Variants in ODAD4 observed in about 807,000 individuals in gnomAD.
ODAD4 encodes the protein outer dynein arm docking complex subunit 4.
In ODAD4, 49 loss-of-function variants were observed where a neutral mutation model predicts 51.8. That is an observed-to-expected ratio of 0.95 (90% CI 0.75 to 1.20). The LOEUF is 1.20. Ranked by LOEUF, ODAD4 falls within the 50% of genes most tolerant of loss-of-function variation. The probability of loss-of-function intolerance (pLI) is 0.00; values close to 1 mark genes in which losing one functional copy is unlikely to be tolerated. For synonymous variants in ODAD4, 235 were observed against 221.3 expected, an observed-to-expected ratio of 1.06 and a Z score of -0.55; for missense variants, 590 against 586.5, an observed-to-expected ratio of 1.01 and a Z score of -0.06.
chr17:41,938,479 G>A (rs532648859), intron 5 of ODAD4, 78 bp from the exon 6 acceptor site: 4 of 1,211,128 alleles, frequency 3.3e-6, no homozygotes, highest in African/African-American at 3.0e-5. Flanking sequence ...GCCCTGCAGC[G>A]GCCACCGGGA....
intron 9 of ODAD4, chr17:41,952,507 CT>C (rs1466588820): frequency 1.5e-5 from 4 of 274,828 alleles, no homozygotes; most frequent in African/African-American, 1.0e-4. Flanking sequence ...GCATTCCAGC[CT>C]GGGATACAGA....
intron 9 of ODAD4, among the ~76,000 whole-genome samples, chr17:41,953,956 G>T (rs539495772): frequency 6.8e-6 from 1 of 148,048 alleles, no homozygotes; most frequent in East Asian, 2.0e-4. Context: ...GTGAGCCACC[G>T]CACCTAGCCT....
chr17:41,962,957 T>C (rs1345740029), intron 11 of ODAD4, among the ~76,000 whole-genome samples: 3 of 152,206 alleles, frequency 2.0e-5, no homozygotes, highest in Admixed American at 1.3e-4. Flanking sequence ...ATCCAGCACC[T>C]GCTCTGTGGT....
chr17:41,954,051 T>C (rs1007958901), intron 9 of ODAD4, among the ~76,000 whole-genome samples: 1 of 151,836 alleles, frequency 6.6e-6, no homozygotes, highest in African/African-American at 2.4e-5. Flanking sequence ...AGTGGCGCGA[T>C]CTCGGCTCAC....
At position 41,930,670 on chromosome 17, in the gene ODAD4, T is replaced by G. The variant is rs2050312111; in HGVS notation, c.-54T>G. The G allele has an allele frequency of 8.5e-7, 1 of 1,176,850 alleles. No individual in the cohort carries two copies. The highest frequency in any genetic ancestry group is 2.5e-5 in the East Asian group (1 of 39,610). 72.9% of individuals were successfully genotyped at this position (1,176,850 alleles called of 1,614,324 possible). ...GGAGCTTCCACAAACCAGATAGAGG[T>G]TCTCCAGCTTTTCTTTGATTGTCTC... On this transcript the variant is annotated 5_prime_UTR_variant, in exon 1 of 12. Coordinates refer to ENST00000377540, the MANE Select transcript of ODAD4 (RefSeq NM_031421.5).
chr17:41,951,883 CAAAAAAAAAAA>C (rs55769009), intron 9 of ODAD4, among the ~76,000 whole-genome samples: 322 of 35,548 alleles, frequency 9.1e-3, no homozygotes, highest in Non-Finnish European at 0.014. Flanking sequence ...GACTCTGTCG[CAAAAAAAAAAA>C]AAAAAAAAAA....
chr17:41,936,649 C>T (rs1314405489), intron 4 of ODAD4, 113 bp from the exon 5 acceptor site: 92 of 1,524,788 alleles, frequency 6.0e-5, no homozygotes, highest in Non-Finnish European at 7.7e-5. Flanking sequence ...TGACTCTTGG[C>T]CCACAGAAAG....
At chr17:41,946,653 T>C (rs914048979) in intron 8 of ODAD4, among the ~76,000 whole-genome samples, 6 of 151,456 alleles carry the variant, frequency 4.0e-5, no homozygotes, top group African/African-American at 1.5e-4. Flanking sequence ...TTTTATGTTA[T>C]GTTATGTTGT....
At position 41,938,586 on chromosome 17, in the gene ODAD4, C is replaced by T; in HGVS notation, c.655C>T (p.Leu219=). The stretch of plus-strand genomic sequence containing the variant: ...GATCAAAGGCACCATGAAGGGCGGC[C>T]TGACTGTGGAGGACCTCATCATGAC... ...DLIKGTMKGG[L]TVEDLIMTGI... The change falls in exon 6 of 12, where the codon CTG becomes TTG. Residue 219 remains leucine (L), a synonymous_variant. Coordinates refer to ENST00000377540, the MANE Select transcript of ODAD4 (RefSeq NM_031421.5). The T allele has an allele frequency of 6.2e-7, 1 of 1,613,930 alleles. No homozygotes were observed. Among genetic ancestry groups the T allele is most frequent in the South Asian group, 1.1e-5 (1 of 91,082 alleles).
Position 41,965,485 on chromosome 17 carries a change from G to A in ODAD4, c.*2G>A. The A allele has an allele frequency of 1.3e-6, 1 of 763,862 alleles. No homozygotes were observed. The highest frequency in any genetic ancestry group is 1.4e-5 in the South Asian group (1 of 71,224). 47.3% of individuals were successfully genotyped at this position (763,862 alleles called of 1,614,324 possible). On this transcript the variant is annotated 3_prime_UTR_variant, in exon 12 of 12. Transcript: ENST00000377540. ...GAGATGGAAAAGGAATATGAATGAAGCCATCGGTAGAGATGAGGATCAGGA... is the reference window on the plus strand; with the variant it reads ...GAGATGGAAAAGGAATATGAATGAAACCATCGGTAGAGATGAGGATCAGGA...
Position 41,936,501 on chromosome 17 carries a change from AG to A in ODAD4, c.430del (p.Asp144ThrfsTer5), listed in dbSNP as rs1479526035. ...SPSSIKLENK[G>X]DLSFLSKQAE... ...CTTCTTCCATTAAGCTGGAGAACAA[AG>A]GGGACCTCTCCTTCTTAAGCAAGCA... is the stretch of plus-strand genomic sequence containing the variant. On this transcript the variant is annotated frameshift_variant, in exon 4 of 12. Coordinates refer to ENST00000377540, the MANE Select transcript of ODAD4 (RefSeq NM_031421.5). LOFTEE classifies it high-confidence loss of function. 1 of 1,613,198 alleles carries A rather than the reference AG, an allele frequency of 6.2e-7. No individual in the cohort carries two copies. Among genetic ancestry groups the A allele is most frequent in the Non-Finnish European group, 8.5e-7 (1 of 1,179,792 alleles).
rs2050881875 is a variant in ODAD4 at position 41,966,041 on chromosome 17, A to C, written c.*558A>C. 6.6e-6 allele frequency among the ~76,000 whole-genome samples: 1 copy of C among 152,240 alleles called. No homozygotes were observed. The highest frequency in any genetic ancestry group is 2.4e-5 in the African/African-American group (1 of 41,458). On this transcript the variant is annotated 3_prime_UTR_variant, in exon 12 of 12. Transcript: ENST00000377540. The stretch of plus-strand genomic sequence containing the variant: ...TCTGACACCTCTGGGTGGCATAATC[A>C]GGTAAATCAGGCTCTCCAAGCTGGC...
intron 11 of ODAD4, among the ~76,000 whole-genome samples, chr17:41,961,778 T>C (rs1160364676): frequency 6.6e-5 from 10 of 152,172 alleles, no homozygotes; most frequent in African/African-American, 9.7e-5. Flanking sequence ...GAGAGGCCCA[T>C]CCCTGCCCTG....
Position 41,961,461 on chromosome 17 carries a change from A to T in ODAD4, c.1523A>T (p.Glu508Val). 1 of 726,694 alleles carries T rather than the reference A, an allele frequency of 1.4e-6. No homozygotes were observed. The highest frequency in any genetic ancestry group is 2.6e-6 in the Non-Finnish European group (1 of 389,868). 45.0% of individuals were successfully genotyped at this position (726,694 alleles called of 1,614,324 possible). The change falls in exon 11 of 12, where the codon GAG (glutamate) becomes GTG (valine). Residue 508 changes from glutamate to valine, a missense_variant. Physicochemically the swap from Glu to Val is moderately radical, Grantham distance 121. This residue lies in a region of ODAD4 where 226 missense variants were observed against 162.7 expected (regional missense o/e 1.39). Coordinates refer to ENST00000377540, the MANE Select transcript of ODAD4 (RefSeq NM_031421.5). ...NYVENLKEKS[E>V]GEASLYEDRI... The stretch of plus-strand genomic sequence containing the variant: ...GTGGAGAATCTCAAAGAAAAAAGCG[A>T]GGGAGGTGAGTTCCTGAAACTCTGA...
chr17:41,954,465 G>A (rs766120535), intron 9 of ODAD4, among the ~76,000 whole-genome samples: 18 of 152,102 alleles, frequency 1.2e-4, no homozygotes, highest in Non-Finnish European at 2.5e-4. Context: ...ACTCGAGACA[G>A]CTGAGGTTCC....
chr17:41,945,879 C>T (rs576678031), intron 8 of ODAD4, among the ~76,000 whole-genome samples: 18 of 150,596 alleles, frequency 1.2e-4, no homozygotes, highest in African/African-American at 3.2e-4. Context: ...CCAGCCTGGG[C>T]GACAGAGCAA....
In ODAD4 at chr17:41,956,627, T is replaced by C. The variant is rs189337533; in HGVS notation, c.1443+1310T>C. ...AAAAAAATTAGCCGGGTGTGGTGACTCACTCCAGCCACTTGGAAGGCTGAG... is the reference window on the plus strand; with the variant it reads ...AAAAAAATTAGCCGGGTGTGGTGACCCACTCCAGCCACTTGGAAGGCTGAG... On this transcript the variant is annotated intron_variant, in intron 10 of 11. Coordinates refer to ENST00000377540, the MANE Select transcript of ODAD4 (RefSeq NM_031421.5). 1.7e-3 allele frequency among the ~76,000 whole-genome samples: 261 copies of C among 151,964 alleles called. 2 individuals carry two copies. Among genetic ancestry groups the C allele is most frequent in the Middle Eastern group, 0.01 (3 of 294 alleles).
At chr17:41,938,087 T>A (rs1555638100) in intron 5 of ODAD4, among the ~76,000 whole-genome samples, 1 of 152,220 alleles carries the variant, frequency 6.6e-6, no homozygotes, top group South Asian at 2.1e-4. Context: ...AGTGGCCTTG[T>A]AGCTTTGCTT....
intron 10 of ODAD4, among the ~76,000 whole-genome samples, chr17:41,957,202 T>C (rs1212772856): frequency 6.6e-6 from 1 of 152,138 alleles, no homozygotes; most frequent in African/African-American, 2.4e-5. Context: ...CCAGCCCTCA[T>C]TTTCTCTTAT....
Sources: allele counts gnomAD v4.1 joint callset (sites outside exome capture counted in the v4.1 genomes callset), GRCh38; gene constraint gnomAD v4.1.1; regional missense constraint gnomAD v4.1.1; transcripts MANE v1.5; gene names NCBI Gene and HGNC (gene_info 2026-07-23, HGNC 2026-07-21).